Variants in AEBP2 observed in about 807,000 individuals in gnomAD.
The protein encoded by AEBP2 is AE binding protein 2, also known as zinc finger protein AEBP2.
Under a neutral mutation model 50.8 loss-of-function variants are expected in AEBP2, and 10 were observed. That is an observed-to-expected ratio of 0.20 (90% CI 0.12 to 0.33). AEBP2 has a LOEUF of 0.33. Ranked by LOEUF, AEBP2 falls within the 10% of genes least tolerant of loss-of-function variation. The pLI, the probability that AEBP2 is intolerant of heterozygous loss-of-function variation, is 1.00. For synonymous variants in AEBP2, 296 were observed against 261.3 expected, an observed-to-expected ratio of 1.13 and a Z score of -1.28; for missense variants, 570 against 688.0, an observed-to-expected ratio of 0.83 and a Z score of 1.92.
intron 1 of AEBP2, among the ~76,000 whole-genome samples, chr12:19,431,795 C>T (rs2095751574): frequency 6.6e-6 from 1 of 152,142 alleles, no homozygotes; most frequent in Non-Finnish European, 1.5e-5. Context: ...TCTTTTTATG[C>T]ATACTTTCTT....
intron 1 of AEBP2, among the ~76,000 whole-genome samples, chr12:19,421,845 G>A (rs1182223398): frequency 6.6e-6 from 1 of 152,122 alleles, no homozygotes; most frequent in East Asian, 1.9e-4. Flanking sequence ...AATATCTTCA[G>A]TATTTAAAAA....
At chr12:19,502,845 T>G (rs1456044429) in intron 5 of AEBP2, among the ~76,000 whole-genome samples, 1 of 152,030 alleles carries the variant, frequency 6.6e-6, no homozygotes. Context: ...ATGGGGTTTC[T>G]CCACGTTGGT....
chr12:19,435,280 A>AT (rs35017794), upstream of AEBP2, among the ~76,000 whole-genome samples: 112,797 of 142,864 alleles, frequency 0.79, 44,650 homozygotes, highest in African/African-American at 0.82. Flanking sequence ...TGACTGGCTA[A>AT]TTTTTTTTTT....
At position 19,518,520 on chromosome 12, in the gene AEBP2, A is replaced by G; in HGVS notation, c.*403A>G. 1 of 1,263,360 alleles carries G rather than the reference A, an allele frequency of 7.9e-7. No individual in the cohort carries two copies. The allele number at this position is 1,263,360 out of a possible 1,614,324, so 78.3% of individuals were successfully genotyped here. ...ACAATTACAACATGTGCCCTTACAA[A>G]TACCAAAAGCACTGTAAGGATATTT... On this transcript the variant is annotated 3_prime_UTR_variant, in exon 8 of 8. Transcript: ENST00000266508.
At chr12:19,412,477 A>G (rs539045985) in intron 1 of AEBP2, among the ~76,000 whole-genome samples, 3 of 151,998 alleles carry the variant, frequency 2.0e-5, no homozygotes, top group South Asian at 2.1e-4. Flanking sequence ...AAGGGGTTTC[A>G]CCATGTTGGC....
chr12:19,411,936 T>A lies in AEBP2; in HGVS notation c.-17+7720T>A, dbSNP rs948280467. ...TTCCTGGCATAAGGCTGGCTTGGAA[T>A]TGAAAAGGTATGTCTGACTCTAAAC... On this transcript the variant is annotated intron_variant, in intron 1 of 3. Coordinates refer to the AEBP2 transcript ENST00000538425. Among the ~76,000 whole-genome samples the A allele has an allele frequency of 1.3e-5, 2 of 152,222 alleles. 1 individual carries two copies. Among genetic ancestry groups the A allele is most frequent in the South Asian group, 4.1e-4 (2 of 4,832 alleles).
chr12:19,407,243 C>T (rs1565692526), intron 1 of AEBP2, among the ~76,000 whole-genome samples: 1 of 152,118 alleles, frequency 6.6e-6, no homozygotes, highest in Non-Finnish European at 1.5e-5. Flanking sequence ...CGCAAGGTTG[C>T]AGTAAGCTAT....
At chr12:19,445,465 C>T (rs975557116) in intron 1 of AEBP2, among the ~76,000 whole-genome samples, 26 of 151,588 alleles carry the variant, frequency 1.7e-4, no homozygotes, top group African/African-American at 5.3e-4. Flanking sequence ...CCGCTTGCCT[C>T]GGCCTCCCAA....
intron 3 of AEBP2, among the ~76,000 whole-genome samples, chr12:19,474,477 T>C (rs922381728): frequency 1.6e-4 from 24 of 152,302 alleles, no homozygotes; most frequent in African/African-American, 5.5e-4. Flanking sequence ...GTCTCTCTCT[T>C]TTTCCTGTTT....
intron 5 of AEBP2, among the ~76,000 whole-genome samples, chr12:19,506,631 CTGT>C (rs571001370): frequency 1.3e-5 from 2 of 152,142 alleles, no homozygotes; most frequent in East Asian, 3.9e-4. Context: ...AGAAAACCTA[CTGT>C]TGTTCTTTTC....
chr12:19,499,483 G>A (rs973118200), intron 4 of AEBP2, among the ~76,000 whole-genome samples: 3 of 151,984 alleles, frequency 2.0e-5, no homozygotes, highest in African/African-American at 7.2e-5. Context: ...GCTTGGTGGT[G>A]TGCGCCTGTA....
intron 1 of AEBP2, among the ~76,000 whole-genome samples, chr12:19,443,024 T>C (rs2153366490): frequency 6.6e-6 from 1 of 152,322 alleles, no homozygotes; most frequent in East Asian, 1.9e-4. Context: ...ACCTTTCCCA[T>C]CGTTTTGGTT....
intron 3 of AEBP2, among the ~76,000 whole-genome samples, chr12:19,484,139 A>G (rs1465220180): frequency 1.3e-5 from 2 of 151,916 alleles, no homozygotes; most frequent in Non-Finnish European, 2.9e-5. Context: ...GATGGAGTGC[A>G]GTGGCATGAT....
chr12:19,481,735 T>G (rs1948732633), intron 3 of AEBP2, among the ~76,000 whole-genome samples: 1 of 152,194 alleles, frequency 6.6e-6, no homozygotes, highest in East Asian at 1.9e-4. Context: ...TGCCTCAGCC[T>G]CCCACAGTGC....
chr12:19,438,781 A>G (rs991105345), upstream of AEBP2, among the ~76,000 whole-genome samples: 2 of 152,220 alleles, frequency 1.3e-5, no homozygotes, highest in Admixed American at 6.5e-5. Flanking sequence ...CCAGAAAACA[A>G]TATTTGGAAA....
rs556856671 is a variant in AEBP2 at position 19,404,829 on chromosome 12, T to C, written c.-17+613T>C. On this transcript the variant is annotated intron_variant, in intron 1 of 3. Coordinates refer to the AEBP2 transcript ENST00000538425. ...TCTATGTGGCAGTGGATCCATTTGT[T>C]AGGGATCCATGTTTATGAAACGCAG... is the stretch of plus-strand genomic sequence containing the variant. 2.6e-5 allele frequency among the ~76,000 whole-genome samples: 4 copies of C among 152,188 alleles called. No individual in the cohort carries two copies. The East Asian group carries it at 7.7e-4, about 29-fold the overall frequency.
intron 1 of AEBP2, among the ~76,000 whole-genome samples, chr12:19,453,379 A>G (rs1015008434): frequency 2.0e-5 from 3 of 151,418 alleles, no homozygotes; most frequent in African/African-American, 7.3e-5. Context: ...TGGCCTCCCA[A>G]CATGTTGGGA....
intron 1 of AEBP2, among the ~76,000 whole-genome samples, chr12:19,411,117 G>A (rs1325862898): frequency 6.6e-6 from 1 of 152,070 alleles, no homozygotes; most frequent in Non-Finnish European, 1.5e-5. Flanking sequence ...CCATTTTACT[G>A]ACATAAACTA....
At chr12:19,477,181 T>C (rs887156910) in intron 3 of AEBP2, among the ~76,000 whole-genome samples, 2 of 152,220 alleles carry the variant, frequency 1.3e-5, no homozygotes, top group African/African-American at 2.4e-5. Flanking sequence ...GTTTACTGAA[T>C]TTATCAGATT....
Sources: allele counts gnomAD v4.1 joint callset (sites outside exome capture counted in the v4.1 genomes callset), GRCh38; gene constraint gnomAD v4.1.1; transcripts MANE v1.5; gene names NCBI Gene and HGNC (gene_info 2026-07-23, HGNC 2026-07-21).